ZNF385D: variants seen among roughly 807,000 people sequenced by gnomAD.
ZNF385D encodes the protein zinc finger protein 659.
In ZNF385D, 15 loss-of-function variants were observed where a neutral mutation model predicts 35.8. The observed-to-expected ratio is 0.42, with a 90% CI of 0.28 to 0.64. The LOEUF is 0.64. Among genes scored for constraint, ZNF385D ranks in the 30% least tolerant of loss-of-function variants. The probability of loss-of-function intolerance (pLI) is 0.23; values close to 1 mark genes in which losing one functional copy is unlikely to be tolerated. For synonymous variants in ZNF385D, 212 were observed against 186.8 expected (o/e 1.13, Z -1.10); for missense variants, 474 against 494.6 (o/e 0.96, Z 0.39).
At chr3:21,988,808 A>G (rs111666002) in intron 3 of ZNF385D, among the ~76,000 whole-genome samples, 3 of 152,160 alleles carry the variant, frequency 2.0e-5, no homozygotes, top group South Asian at 4.2e-4. Context: ...CTGCTGTGCT[A>G]GCAATCAGCG....
chr3:21,426,051 T>G (rs1364897469), intron 5 of ZNF385D, among the ~76,000 whole-genome samples: 1 of 152,142 alleles, frequency 6.6e-6, no homozygotes, highest in Non-Finnish European at 1.5e-5. Context: ...TGATACCTGA[T>G]GAGGAAGAGT....
intron 3 of ZNF385D, among the ~76,000 whole-genome samples, chr3:21,800,699 T>G (rs929733176): frequency 1.1e-4 from 16 of 152,180 alleles, no homozygotes; most frequent in African/African-American, 2.7e-4. Flanking sequence ...CCTCTTTGAA[T>G]TGTTCAATTA....
At chr3:21,978,511 A>C (rs995721792) in intron 3 of ZNF385D, among the ~76,000 whole-genome samples, 11 of 152,194 alleles carry the variant, frequency 7.2e-5, no homozygotes, top group African/African-American at 2.7e-4. Flanking sequence ...GTGTGACTTA[A>C]GTTATTGCTA....
In ZNF385D at chr3:22,287,745, T is replaced by C. The variant is rs147925722; in HGVS notation, c.106+84705A>G. On this transcript the variant is annotated intron_variant, in intron 2 of 5. Coordinates refer to the ZNF385D transcript ENST00000494108. ...TTATAGCTATAATTGTTTGTAATAGTTTTTCCTTTTAGCCTTCATACTAGA... is the reference window on the plus strand; with the variant it reads ...TTATAGCTATAATTGTTTGTAATAGCTTTTCCTTTTAGCCTTCATACTAGA... 2.0e-5 allele frequency among the ~76,000 whole-genome samples: 3 copies of C among 152,176 alleles called. No homozygotes were observed. In the East Asian group the frequency reaches 5.8e-4, roughly 29 times the overall value.
At chr3:21,941,383 T>C (rs1701507365) in intron 3 of ZNF385D, among the ~76,000 whole-genome samples, 1 of 151,942 alleles carries the variant, frequency 6.6e-6, no homozygotes, top group Non-Finnish European at 1.5e-5. Context: ...TCAGGTATAA[T>C]ACAATTTCCT....
intron 3 of ZNF385D, among the ~76,000 whole-genome samples, chr3:22,131,091 A>T (rs7645403): frequency 1.3e-5 from 2 of 152,168 alleles, no homozygotes; most frequent in African/African-American, 2.4e-5. Context: ...TAACAGTTAA[A>T]TTCATGATGT....
At chr3:22,024,776 G>T (rs553570738) in intron 3 of ZNF385D, among the ~76,000 whole-genome samples, 1 of 152,046 alleles carries the variant, frequency 6.6e-6, no homozygotes, top group Non-Finnish European at 1.5e-5. Context: ...ACCAAGGAAC[G>T]TAACGAAGCT....
chr3:21,545,707 A>G (rs980484868), intron 3 of ZNF385D, among the ~76,000 whole-genome samples: 2 of 152,210 alleles, frequency 1.3e-5, no homozygotes, highest in Non-Finnish European at 2.9e-5. Flanking sequence ...TAAGGAGTCA[A>G]GTTCGACTTA....
At chr3:21,997,274 C>G (rs1559832982) in intron 3 of ZNF385D, among the ~76,000 whole-genome samples, 1 of 152,078 alleles carries the variant, frequency 6.6e-6, no homozygotes, top group Non-Finnish European at 1.5e-5. Flanking sequence ...CACATGTTCT[C>G]ACTCATAGGT....
At chr3:22,221,349 G>C (rs1317138360) in intron 2 of ZNF385D, among the ~76,000 whole-genome samples, 3 of 151,954 alleles carry the variant, frequency 2.0e-5, no homozygotes, top group African/African-American at 7.2e-5. Context: ...AGCTTCAAAA[G>C]TTATCAATTC....
Position 21,418,981 on chromosome 3 carries a change from C to A in ZNF385D, c.*2233G>T, listed in dbSNP as rs1046636956. 6.6e-6 allele frequency: 1 copy of A among 152,132 alleles called. No homozygotes were observed. The highest frequency in any genetic ancestry group is 2.4e-5 in the African/African-American group (1 of 41,430). 9.4% of individuals were successfully genotyped at this position (152,132 alleles called of 1,614,324 possible). Reference sequence around the variant, plus strand: ...CAGGGTCTGTAGGTGAAAAAGGAAACACTTGCTAAAACTAGAGAATAGAGA... The same window carrying A: ...CAGGGTCTGTAGGTGAAAAAGGAAAAACTTGCTAAAACTAGAGAATAGAGA... On this transcript the variant is annotated 3_prime_UTR_variant, in exon 8 of 8. Transcript: ENST00000281523.
chr3:22,218,435 C>T (rs1698032200), intron 2 of ZNF385D, among the ~76,000 whole-genome samples: 2 of 151,504 alleles, frequency 1.3e-5, no homozygotes, highest in East Asian at 1.9e-4. Context: ...TTTGAAGACC[C>T]CTTGAATTTA....
Position 21,555,377 on chromosome 3 carries a change from C to A in ZNF385D, c.276+9197G>T, listed in dbSNP as rs2062698774. On this transcript the variant is annotated intron_variant, in intron 3 of 7. Transcript: ENST00000281523. ...GCTATCCCTCCCCTAGCCCCCTGAC[C>A]CTTCGACAGGCCCTGGTGTGTGATG... is the stretch of plus-strand genomic sequence containing the variant. Among the ~76,000 whole-genome samples, 4 of 152,040 alleles carry A rather than the reference C, an allele frequency of 2.6e-5. No homozygotes were observed. The South Asian group carries it at 8.3e-4, about 31-fold the overall frequency.
At chr3:22,182,050 T>C (rs1182631045) in intron 2 of ZNF385D, among the ~76,000 whole-genome samples, 2 of 152,030 alleles carry the variant, frequency 1.3e-5, no homozygotes, top group African/African-American at 4.8e-5. Flanking sequence ...AACACATCCC[T>C]GCCTATATCT....
intron 3 of ZNF385D, among the ~76,000 whole-genome samples, chr3:21,758,032 T>C (rs2070425854): frequency 6.6e-6 from 1 of 152,236 alleles, no homozygotes; most frequent in Admixed American, 6.5e-5. Context: ...TTCCCCTTTA[T>C]TTGTCTTACA....
chr3:21,740,185 G>A (rs957589585), intron 1 of ZNF385D, among the ~76,000 whole-genome samples: 6 of 152,274 alleles, frequency 3.9e-5, no homozygotes, highest in African/African-American at 1.4e-4. Context: ...GCGGTGTCTT[G>A]TAGAATAGAA....
rs200754827 is a variant in ZNF385D at position 21,421,205 on chromosome 3, A to G, written c.*9T>C. The G allele has an allele frequency of 4.3e-6, 7 of 1,610,184 alleles. No homozygotes were observed. Among genetic ancestry groups the G allele is most frequent in the Non-Finnish European group, 5.1e-6 (6 of 1,176,752 alleles). Reference sequence around the variant, plus strand: ...AAATTATTGCAGTACAATTACTCCTATTTGGAATTTAGTAAGGAGCAAACA... The same window carrying G: ...AAATTATTGCAGTACAATTACTCCTGTTTGGAATTTAGTAAGGAGCAAACA... On this transcript the variant is annotated 3_prime_UTR_variant, in exon 8 of 8. Coordinates refer to ENST00000281523, the MANE Select transcript of ZNF385D (RefSeq NM_024697.3).
intron 1 of ZNF385D, among the ~76,000 whole-genome samples, chr3:21,705,503 T>C (rs2067863931): frequency 6.6e-6 from 1 of 152,240 alleles, no homozygotes; most frequent in Non-Finnish European, 1.5e-5. Context: ...GAAAACTTAT[T>C]GATCTCAATG....
At chr3:21,989,753 C>T (rs568999322) in intron 3 of ZNF385D, among the ~76,000 whole-genome samples, 8 of 152,220 alleles carry the variant, frequency 5.3e-5, no homozygotes, top group South Asian at 2.1e-4. Flanking sequence ...CTCATCTAAG[C>T]GCATTAAAAT....
Sources: gnomAD v4.1 joint callset for allele counts (sites outside exome capture counted in the v4.1 genomes callset) on GRCh38, gnomAD v4.1.1 for gene constraint, MANE v1.5 for transcripts, NCBI Gene and HGNC (gene_info 2026-07-23, HGNC 2026-07-21) for gene names.